The following PLCG2 variants were observed in gnomAD, a reference collection of about 807,000 sequenced individuals.
PLCG2 encodes the protein 1-phosphatidylinositol 4,5-bisphosphate phosphodiesterase gamma-2.
In PLCG2, 69 loss-of-function variants were observed where a neutral mutation model predicts 175.6. That is an observed-to-expected ratio of 0.39 (90% CI 0.32 to 0.48). The LOEUF is 0.48. Ranked by LOEUF, PLCG2 falls within the 20% of genes least tolerant of loss-of-function variation. The pLI is 0.91. For synonymous variants in PLCG2, 827 were observed against 624.0 expected, an observed-to-expected ratio of 1.33 and a Z score of -4.85; for missense variants, 1,798 against 1,650.9, an observed-to-expected ratio of 1.09 and a Z score of -1.54.
At chr16:81,897,827 G>A (rs574471476) in intron 13 of PLCG2, 5 of 455,886 alleles carry the variant, frequency 1.1e-5, no homozygotes, top group South Asian at 3.1e-5. Context: ...TTATGGGCAT[G>A]AGCCACCGTG....
intron 2 of PLCG2, among the ~76,000 whole-genome samples, chr16:81,798,188 T>A (rs1475632578): frequency 6.6e-6 from 1 of 152,160 alleles, no homozygotes; most frequent in Non-Finnish European, 1.5e-5. Flanking sequence ...CCCCATCAGA[T>A]CACTGGGAGG....
intron 20 of PLCG2, among the ~76,000 whole-genome samples, chr16:81,920,176 G>A (rs1255165617): frequency 6.6e-6 from 1 of 152,208 alleles, no homozygotes. Context: ...TTATCATGCA[G>A]GGGCTCATAG....
In PLCG2 at chr16:81,742,154, C is replaced by CGG. The variant is rs55847562; in HGVS notation, c.-145+2779_-145+2780dup. On this transcript the variant is annotated intron_variant, in intron 1 of 5. Transcript: ENST00000565054. ...CACACAAAAGTTACCATTGTGGGGG[C>CGG]GGGGGGGGGGGCGGTGTTGGCTAAA... is the stretch of plus-strand genomic sequence containing the variant. Among the ~76,000 whole-genome samples, 481 of 111,386 alleles carry CGG rather than the reference C, an allele frequency of 4.3e-3. 20 individuals carry two copies. The highest frequency in any genetic ancestry group is 0.02 in the African/African-American group (431 of 21,850). 73.1% of individuals were successfully genotyped at this position (111,386 alleles called of 152,430 possible).
intron 2 of PLCG2, among the ~76,000 whole-genome samples, chr16:81,827,268 C>G (rs1905085307): frequency 6.6e-6 from 1 of 151,420 alleles, no homozygotes; most frequent in South Asian, 2.1e-4. Context: ...CTCACTGCAG[C>G]CTCAGCTTCC....
At position 81,959,456 on chromosome 16, in the gene PLCG2, T is replaced by G. The variant is rs188448125; in HGVS notation, c.*1458T>G. On this transcript the variant is annotated 3_prime_UTR_variant, in exon 33 of 33. Coordinates refer to ENST00000564138, the MANE Select transcript of PLCG2 (RefSeq NM_002661.5). ...TGCCAAGATTTGGGGGTGTGGATGT[T>G]TAAACAAAAAGCTGTGGGTCTCATC... The G allele has an allele frequency of 9.2e-6, 2 of 218,334 alleles. No homozygotes were observed. The highest frequency in any genetic ancestry group is 1.3e-4 in the East Asian group (2 of 14,862). The allele number at this position is 218,334 out of a possible 1,614,324, so 13.5% of individuals were successfully genotyped here.
chr16:81,757,196 C>T (rs12933606), intron 2 of PLCG2, among the ~76,000 whole-genome samples: 74,142 of 151,660 alleles, frequency 0.49, 19,678 homozygotes, highest in Non-Finnish European at 0.59. Context: ...TCCACCCATC[C>T]GATCATTCAA....
At chr16:81,828,663 C>T (rs1004127149) in intron 2 of PLCG2, among the ~76,000 whole-genome samples, 1 of 152,122 alleles carries the variant, frequency 6.6e-6, no homozygotes, top group Non-Finnish European at 1.5e-5. Context: ...GCTTTTACAA[C>T]CTTAAGCAAG....
At chr16:81,892,344 G>C (rs1276841655) in intron 11 of PLCG2, among the ~76,000 whole-genome samples, 1 of 152,228 alleles carries the variant, frequency 6.6e-6, no homozygotes, top group East Asian at 1.9e-4. Context: ...GATTGCAACA[G>C]AAGGAGGATA....
intron 2 of PLCG2, among the ~76,000 whole-genome samples, chr16:81,761,509 C>A (rs759736043): frequency 6.6e-6 from 1 of 152,246 alleles, no homozygotes; most frequent in Admixed American, 6.5e-5. Flanking sequence ...TGGGAGCTGA[C>A]TGCCTAGGTT....
intron 8 of PLCG2, 84 bp from the exon 9 acceptor site, chr16:81,883,185 G>T: frequency 8.3e-7 from 1 of 1,209,692 alleles, no homozygotes; most frequent in South Asian, 1.2e-5. Context: ...CTGGGTGGCA[G>T]GCTGCCCCAT....
chr16:81,912,452 G>T, intron 18 of PLCG2, 145 bp from the exon 19 acceptor site: 5 of 953,372 alleles, frequency 5.2e-6, no homozygotes, highest in Non-Finnish European at 7.6e-6. Context: ...GCCTTTGTCT[G>T]GGGAAGCCCA....
chr16:81,881,399 A>G (rs1260845550), intron 8 of PLCG2, among the ~76,000 whole-genome samples: 1 of 152,242 alleles, frequency 6.6e-6, no homozygotes, highest in Non-Finnish European at 1.5e-5. Flanking sequence ...TAGTAATATT[A>G]TTACTAAAAA....
At chr16:81,860,222 A>T (rs1480948989) in intron 5 of PLCG2, among the ~76,000 whole-genome samples, 4 of 105,274 alleles carry the variant, frequency 3.8e-5, no homozygotes, top group African/African-American at 1.4e-4. Context: ...ATTTTTTTTT[A>T]AAAAAAGCAA....
chr16:81,954,684 G>T (rs1056115799), intron 31 of PLCG2, among the ~76,000 whole-genome samples: 1 of 152,110 alleles, frequency 6.6e-6, no homozygotes, highest in African/African-American at 2.4e-5. Context: ...CATTTTTGTG[G>T]CTGCATAGTA....
chr16:81,860,838 G>T (rs772320573), intron 5 of PLCG2, among the ~76,000 whole-genome samples: 19 of 152,102 alleles, frequency 1.2e-4, no homozygotes, highest in Non-Finnish European at 2.6e-4. Context: ...AGGCATGGTA[G>T]CACGCTCCTG....
chr16:81,953,156 A>G (rs1390722488), intron 31 of PLCG2, among the ~76,000 whole-genome samples: 1 of 152,218 alleles, frequency 6.6e-6, no homozygotes, highest in African/African-American at 2.4e-5. Context: ...CTGAGGGAGG[A>G]ATGAGGAAAC....
At chr16:81,756,521 C>T (rs1350190569) in intron 2 of PLCG2, among the ~76,000 whole-genome samples, 3 of 152,174 alleles carry the variant, frequency 2.0e-5, no homozygotes, top group South Asian at 2.1e-4. Flanking sequence ...GTACTCAATC[C>T]AGGTCATCTG....
At chr16:81,897,408 C>G (rs1057093205) in intron 13 of PLCG2, among the ~76,000 whole-genome samples, 1 of 152,186 alleles carries the variant, frequency 6.6e-6, no homozygotes, top group Non-Finnish European at 1.5e-5. Flanking sequence ...GAGGTGATAA[C>G]TGTGTGCACC....
At chr16:81,769,461 C>A (rs1315544497) in intron 2 of PLCG2, among the ~76,000 whole-genome samples, 3 of 152,154 alleles carry the variant, frequency 2.0e-5, no homozygotes, top group Non-Finnish European at 4.4e-5. Context: ...TCAGACTTTT[C>A]TAAGGCCCCC....
Sources: gnomAD v4.1 joint callset for allele counts (sites outside exome capture counted in the v4.1 genomes callset) on GRCh38, gnomAD v4.1.1 for gene constraint, MANE v1.5 for transcripts, NCBI Gene and HGNC (gene_info 2026-07-23, HGNC 2026-07-21) for gene names.